Variants in PUDP observed in about 807,000 individuals in gnomAD.
PUDP encodes pseudouridine-5'-phosphatase.
In PUDP, 8 loss-of-function variants were observed where a neutral mutation model predicts 9.4. The ratio of observed to expected loss-of-function variants is 0.85; its 90% CI spans 0.50 to 1.53. The LOEUF (loss-of-function observed/expected upper bound fraction) is 1.53, where lower values mean the gene tolerates loss of function less well. Ranked by LOEUF, PUDP falls within the 40% of genes most tolerant of loss-of-function variation. The pLI is 0.00. For missense variants in PUDP, 188 were observed against 189.7 expected (o/e 0.99, Z 0.05); for synonymous variants, 99 against 80.7 (o/e 1.23, Z -1.22).
At chrX:6,975,236 G>A (rs1225776120) in intron 3 of PUDP, among the ~76,000 whole-genome samples, 4 of 109,689 alleles carry the variant, frequency 3.6e-5, no homozygotes, top group Admixed American at 9.8e-5. Context: ...CTCATTCTCC[G>A]TCCAGTTTGG....
At position 6,738,456 on chromosome X, in the gene PUDP, C is replaced by T. The variant is rs150876752; in HGVS notation, c.*248-31990G>A. On this transcript the variant is annotated intron_variant and NMD_transcript_variant, in intron 3 of 3. Transcript: ENST00000655425. ...AAAGAATCCTGTACCCCAGCTGAATCCCACACCAATGACTTCTAAGTCTCC... is the reference window on the plus strand; with the variant it reads ...AAAGAATCCTGTACCCCAGCTGAATTCCACACCAATGACTTCTAAGTCTCC... Among the ~76,000 whole-genome samples, 448 of 111,775 alleles carry T rather than the reference C, an allele frequency of 4.0e-3. 4 individuals are homozygous for T. Among genetic ancestry groups the T allele is most frequent in the African/African-American group, 0.013 (408 of 30,784 alleles).
In PUDP at chrX:7,070,582, C is replaced by CTT. The variant is rs775715448; in HGVS notation, c.510+6636_510+6637dup. ...AGCTCAGCTGGTCACCAAATATTAACTTTTTTTTTTTTTGGAGAAGGAGTC... is the reference window on the plus strand; with the variant it reads ...AGCTCAGCTGGTCACCAAATATTAACTTTTTTTTTTTTTTTGGAGAAGGAGTC... On this transcript the variant is annotated intron_variant, in intron 3 of 3. Coordinates refer to ENST00000381077, the MANE Select transcript of PUDP (RefSeq NM_012080.5). Among the ~76,000 whole-genome samples, 9 of 105,097 alleles carry CTT rather than the reference C, an allele frequency of 8.6e-5. No individual in the cohort carries two copies. In the South Asian group the frequency reaches 3.3e-3, roughly 39 times the overall value. 91.3% of individuals were successfully genotyped at this position (105,097 alleles called of 115,157 possible). A position where few individuals can be genotyped will look rare whatever the true frequency, so the allele number is the denominator to read the frequency against.
rs184904313 is a variant in PUDP, at chrX:7,128,333, C to T, written c.61+19720G>A. On this transcript the variant is annotated intron_variant, in intron 1 of 3. Transcript: ENST00000381077. ...CTGGGATTACAGATGTGTGCCACCA[C>T]GCCCGGCCAACATTTACTAATTTAT... Among the ~76,000 whole-genome samples, 19 of 111,991 alleles carry T rather than the reference C, an allele frequency of 1.7e-4. No homozygotes were observed. The East Asian group carries it at 2.2e-3, about 13-fold the overall frequency.
chrX:7,097,310 A>C (rs1931600930), intron 2 of PUDP, among the ~76,000 whole-genome samples: 1 of 111,879 alleles, frequency 8.9e-6, no homozygotes, highest in Non-Finnish European at 1.9e-5. Flanking sequence ...TCCTCTCTGA[A>C]GCTTGTGAGC....
At chrX:7,068,863 A>T (rs1930647519) in intron 3 of PUDP, among the ~76,000 whole-genome samples, 1 of 111,338 alleles carries the variant, frequency 9.0e-6, no homozygotes, top group South Asian at 3.8e-4. Context: ...CTCTATTGAG[A>T]CTCCTAGTAA....
intron 1 of PUDP, among the ~76,000 whole-genome samples, chrX:7,126,061 A>T (rs1201794076): frequency 1.8e-5 from 2 of 112,042 alleles, no homozygotes; most frequent in Non-Finnish European, 3.8e-5. Context: ...TTACATTTTT[A>T]AAAAATTTAG....
intron 1 of PUDP, among the ~76,000 whole-genome samples, chrX:7,024,553 A>T (rs1410048143): frequency 3.8e-5 from 4 of 105,881 alleles, no homozygotes; most frequent in African/African-American, 1.4e-4. Context: ...TATGTTTCAA[A>T]TTACTTTTTA....
intron 2 of PUDP, among the ~76,000 whole-genome samples, chrX:7,102,094 C>G (rs2146894204): frequency 9.0e-6 from 1 of 110,726 alleles, no homozygotes; most frequent in Admixed American, 9.6e-5. Context: ...AAGCCCAGGA[C>G]CAGATGGCTT....
intron 3 of PUDP, among the ~76,000 whole-genome samples, chrX:6,970,267 G>A (rs1176752032): frequency 8.9e-6 from 1 of 112,378 alleles, no homozygotes; most frequent in Non-Finnish European, 1.9e-5. Context: ...AAATTTTTTG[G>A]AAGGTATGCT....
At chrX:6,857,833 T>TGCCAG (rs1926930857) in intron 3 of PUDP, among the ~76,000 whole-genome samples, 1 of 112,162 alleles carries the variant, frequency 8.9e-6, no homozygotes, top group Non-Finnish European at 1.9e-5. Context: ...ACTCACCCTG[T>TGCCAG]GCCAGCCTTT....
At chrX:6,719,341 C>G (rs1435353978) in intron 1 of PUDP, among the ~76,000 whole-genome samples, 1 of 111,356 alleles carries the variant, frequency 9.0e-6, no homozygotes, top group African/African-American at 3.3e-5. Flanking sequence ...ACCTAATTAC[C>G]TCTTTAAGGT....
intron 3 of PUDP, among the ~76,000 whole-genome samples, chrX:6,949,765 A>G (rs1928521262): frequency 8.9e-6 from 1 of 112,274 alleles, no homozygotes; most frequent in Non-Finnish European, 1.9e-5. Context: ...TCTCTGGGTC[A>G]GGAATCCGGG....
intron 3 of PUDP, among the ~76,000 whole-genome samples, chrX:6,916,233 CACACACACACACA>C (rs1569122764): frequency 3.7e-4 from 36 of 97,239 alleles, no homozygotes; most frequent in African/African-American, 1.4e-3. Context: ...CACACACACA[CACACACACACACA>C]CACCCTGGGG....
intron 1 of PUDP, among the ~76,000 whole-genome samples, chrX:6,980,023 A>G (rs1929010341): frequency 9.0e-6 from 1 of 110,544 alleles, no homozygotes. Context: ...GATCATGAGC[A>G]TAGTACCCGA....
intron 3 of PUDP, among the ~76,000 whole-genome samples, chrX:7,073,292 T>C (rs1930799691): frequency 1.8e-5 from 2 of 112,394 alleles, no homozygotes; most frequent in African/African-American, 3.2e-5. Context: ...GTCAGCTCTG[T>C]TGGACACTTT....
intron 2 of PUDP, among the ~76,000 whole-genome samples, chrX:7,103,488 G>T (rs1931796134): frequency 1.8e-5 from 2 of 112,226 alleles, no homozygotes; most frequent in South Asian, 7.3e-4. Context: ...CATGAAATTG[G>T]AATTGGCAAT....
intron 1 of PUDP, among the ~76,000 whole-genome samples, chrX:7,111,123 C>T (rs1040427625): frequency 1.8e-5 from 2 of 111,247 alleles, no homozygotes; most frequent in African/African-American, 6.5e-5. Context: ...GCAAGTGCCT[C>T]CTTTGCCCCT....
chrX:6,939,483 C>G (rs1307478078), intron 3 of PUDP, among the ~76,000 whole-genome samples: 2 of 108,523 alleles, frequency 1.8e-5, no homozygotes, highest in African/African-American at 6.7e-5. Context: ...ATGAAATAAT[C>G]TATTATTTTA....
intron 3 of PUDP, among the ~76,000 whole-genome samples, chrX:6,891,813 A>G (rs1927520991): frequency 8.9e-6 from 1 of 111,733 alleles, no homozygotes; most frequent in African/African-American, 3.3e-5. Flanking sequence ...TATGGTTCCT[A>G]CCTTCCGCTT....
Sources: gnomAD v4.1 joint callset for allele counts (sites outside exome capture counted in the v4.1 genomes callset) on GRCh38, gnomAD v4.1.1 for gene constraint, MANE v1.5 for transcripts, NCBI Gene and HGNC (gene_info 2026-07-23, HGNC 2026-07-21) for gene names.